Variants in MIPOL1 observed in about 807,000 individuals in gnomAD.
MIPOL1 encodes the protein mirror-image polydactyly gene 1 protein.
MIPOL1 carries 57 observed loss-of-function variants against 60.9 expected under a neutral mutation model. The observed-to-expected ratio is 0.94, with a 90% CI of 0.76 to 1.17. MIPOL1 has a LOEUF of 1.17. Among genes scored for constraint, MIPOL1 ranks in the 50% most tolerant of loss-of-function variants. The pLI is 0.00. For missense variants in MIPOL1, 551 were observed against 511.6 expected (o/e 1.08, Z -0.74); for synonymous variants, 179 against 168.8 (o/e 1.06, Z -0.47).
intron 7 of MIPOL1, among the ~76,000 whole-genome samples, chr14:37,286,624 G>C (rs769565053): frequency 4.6e-5 from 7 of 152,100 alleles, no homozygotes; most frequent in Non-Finnish European, 1.0e-4. Flanking sequence ...ATTAAAACAT[G>C]GTTCACTGGG....
intron 1 of MIPOL1, among the ~76,000 whole-genome samples, chr14:37,223,757 C>G (rs1213049188): frequency 6.6e-6 from 1 of 151,988 alleles, no homozygotes. Flanking sequence ...CACCTCGGTC[C>G]CCCAGAGTGC....
Position 37,415,628 on chromosome 14 carries a change from CA to C in MIPOL1, c.937-7210del, listed in dbSNP as rs11377270. On this transcript the variant is annotated intron_variant, in intron 10 of 12. Coordinates refer to ENST00000684589, the MANE Select transcript of MIPOL1 (RefSeq NM_001388067.1). ...TGGGCGACAGAGCGAGACTCTGTCT[CA>C]AAAAAAAAAAAAAAAATTAGCACAG... 5.0e-3 allele frequency among the ~76,000 whole-genome samples: 636 copies of C among 126,588 alleles called. 4 individuals are homozygous for C. Among genetic ancestry groups the C allele is most frequent in the African/African-American group, 0.017 (559 of 33,820 alleles). 83.0% of individuals were successfully genotyped at this position (126,588 alleles called of 152,430 possible). A position where few individuals can be genotyped will look rare whatever the true frequency, so the allele number is the denominator to read the frequency against.
intron 11 of MIPOL1, among the ~76,000 whole-genome samples, chr14:37,458,601 T>C (rs1441846203): frequency 6.6e-6 from 1 of 151,872 alleles, no homozygotes; most frequent in African/African-American, 2.4e-5. Context: ...AGAGGATCAC[T>C]TGAAGTCAGG....
intron 11 of MIPOL1, among the ~76,000 whole-genome samples, chr14:37,433,155 T>A (rs1336636411): frequency 1.3e-5 from 2 of 151,990 alleles, no homozygotes; most frequent in East Asian, 1.9e-4. Context: ...CAAACTCCCA[T>A]GCTGAAATGA....
At chr14:37,447,459 T>C (rs1384759634) in intron 11 of MIPOL1, among the ~76,000 whole-genome samples, 2 of 152,166 alleles carry the variant, frequency 1.3e-5, no homozygotes, top group Non-Finnish European at 2.9e-5. Context: ...TTATGTTTTA[T>C]CTTCAAAAAG....
chr14:37,317,916 T>G (rs901937423), intron 9 of MIPOL1, among the ~76,000 whole-genome samples: 1 of 152,204 alleles, frequency 6.6e-6, no homozygotes, highest in African/African-American at 2.4e-5. Context: ...AAAGTATGAA[T>G]AATTTAAAAC....
chr14:37,201,560 A>G (rs1965350464), intron 1 of MIPOL1, among the ~76,000 whole-genome samples: 1 of 152,154 alleles, frequency 6.6e-6, no homozygotes, highest in Admixed American at 6.6e-5. Context: ...GAGCTGTTCC[A>G]TCTTGGGTTT....
intron 11 of MIPOL1, among the ~76,000 whole-genome samples, chr14:37,483,818 T>A (rs1475713783): frequency 1.3e-5 from 2 of 152,116 alleles, no homozygotes; most frequent in Admixed American, 1.3e-4. Context: ...AAAAATTTTG[T>A]AGAGGCAGGG....
At chr14:37,292,465 CTTTTTTTTTTTTTTTT>C (rs34055899) in intron 7 of MIPOL1, among the ~76,000 whole-genome samples, 1 of 63,442 alleles carries the variant, frequency 1.6e-5, no homozygotes, top group African/African-American at 6.0e-5. Flanking sequence ...CCTTAATAAA[CTTTTTTTTTTTTTTTT>C]TTTTTTTTTG....
In MIPOL1 at chr14:37,385,646, A is replaced by G. The variant is rs549348219; in HGVS notation, c.936+16022A>G. The G allele has an allele frequency of 2.5e-4, 38 of 152,090 alleles. 1 individual carries two copies. Among genetic ancestry groups the G allele is most frequent in the Non-Finnish European group, 1.0e-4 (7 of 67,934 alleles). The allele number at this position is 152,090 out of a possible 1,614,324, so 9.4% of individuals were successfully genotyped here. A position where few individuals can be genotyped will look rare whatever the true frequency, so the allele number is the denominator to read the frequency against. Reference sequence around the variant, plus strand: ...TATTTTATACATTTTATCCCTATACATTCTTATATATGTCTGTAAGATAAT... The same window carrying G: ...TATTTTATACATTTTATCCCTATACGTTCTTATATATGTCTGTAAGATAAT... On this transcript the variant is annotated intron_variant, in intron 10 of 12. Coordinates refer to ENST00000684589, the MANE Select transcript of MIPOL1 (RefSeq NM_001388067.1).
chr14:37,538,667 A>C (rs1046721766), intron 12 of MIPOL1, among the ~76,000 whole-genome samples: 1 of 152,178 alleles, frequency 6.6e-6, no homozygotes, highest in Non-Finnish European at 1.5e-5. Context: ...GATTCACTTT[A>C]ACCAACAAAA....
chr14:37,457,936 AACCCCATGTTTTTCATGGGTAGAC>A (rs1366726654), intron 11 of MIPOL1, among the ~76,000 whole-genome samples: 2 of 152,130 alleles, frequency 1.3e-5, no homozygotes, highest in African/African-American at 4.8e-5. Flanking sequence ...ATGGGTTGAA[AACCCCATGTTTTTCATGGGTAGAC>A]ACTCATACAC....
chr14:37,524,565 C>CTTTTTT (rs1173993657), intron 12 of MIPOL1, among the ~76,000 whole-genome samples: 10 of 124,842 alleles, frequency 8.0e-5, no homozygotes, highest in African/African-American at 1.5e-4. Flanking sequence ...TTTTCTTTTT[C>CTTTTTT]TTTTCTTTTT....
At chr14:37,258,147 T>G (rs1975268195) in intron 3 of MIPOL1, among the ~76,000 whole-genome samples, 1 of 152,172 alleles carries the variant, frequency 6.6e-6, no homozygotes, top group African/African-American at 2.4e-5. Context: ...CCGCTTAGTA[T>G]CTGACTGGTG....
intron 11 of MIPOL1, among the ~76,000 whole-genome samples, chr14:37,481,271 A>C (rs2094859512): frequency 6.6e-6 from 1 of 152,200 alleles, no homozygotes; most frequent in Non-Finnish European, 1.5e-5. Context: ...TCCCATTTGC[A>C]ATAGCTACCC....
chr14:37,254,470 A>G lies in MIPOL1; in HGVS notation c.19+6563A>G, dbSNP rs866354896. 5.9e-5 allele frequency among the ~76,000 whole-genome samples: 9 copies of G among 151,888 alleles called. No homozygotes were observed. In the Middle Eastern group the frequency reaches 0.01, roughly 172 times the overall value. ...TATGTTTTGGCAGTTTAAAAAATAG[A>G]GTTTATCTTTCAGAACAGTTTTAGA... On this transcript the variant is annotated intron_variant, in intron 3 of 12. Coordinates refer to ENST00000684589, the MANE Select transcript of MIPOL1 (RefSeq NM_001388067.1).
At chr14:37,198,941 C>A (rs1964779894) in intron 1 of MIPOL1, among the ~76,000 whole-genome samples, 1 of 152,066 alleles carries the variant, frequency 6.6e-6, no homozygotes, top group Non-Finnish European at 1.5e-5. Flanking sequence ...ATTACATAAT[C>A]ATTCTATGCA....
At chr14:37,288,427 G>A (rs1476827962) in intron 7 of MIPOL1, among the ~76,000 whole-genome samples, 2 of 152,144 alleles carry the variant, frequency 1.3e-5, no homozygotes, top group Non-Finnish European at 2.9e-5. Context: ...ACATTGTTAA[G>A]CTATAGGGTG....
At chr14:37,432,390 C>T (rs2094087544) in intron 11 of MIPOL1, among the ~76,000 whole-genome samples, 1 of 152,108 alleles carries the variant, frequency 6.6e-6, no homozygotes, top group East Asian at 1.9e-4. Context: ...ACAAAGTTAA[C>T]ACTAGATTGA....
Sources: gnomAD v4.1 joint callset for allele counts (sites outside exome capture counted in the v4.1 genomes callset) on GRCh38, gnomAD v4.1.1 for gene constraint, MANE v1.5 for transcripts, NCBI Gene and HGNC (gene_info 2026-07-23, HGNC 2026-07-21) for gene names.